Variants in ZUP1 observed in about 807,000 individuals in gnomAD.
ZUP1 encodes zinc finger containing ubiquitin peptidase 1, also known as zinc finger-containing ubiquitin peptidase 1.
A neutral mutation model predicts 68.1 loss-of-function variants in ZUP1; 55 were observed. The observed-to-expected ratio is 0.81, with a 90% CI of 0.65 to 1.01. The LOEUF is 1.01. Among genes scored for constraint, ZUP1 ranks in the 50% least tolerant of loss-of-function variants. The pLI is 0.00. For synonymous variants in ZUP1, 223 were observed against 221.5 expected (o/e 1.01, Z -0.06); for missense variants, 684 against 674.9 (o/e 1.01, Z -0.15).
intron 5 of ZUP1, among the ~76,000 whole-genome samples, chr6:116,654,740 A>G (rs1275430728): frequency 1.3e-5 from 2 of 152,086 alleles, no homozygotes; most frequent in African/African-American, 2.4e-5. Flanking sequence ...AAACAACTCA[A>G]TAGAGAATAG....
chr6:116,639,006 G>GCTTAGGAAA, intron 9 of ZUP1, among the ~76,000 whole-genome samples: 1 of 152,346 alleles, frequency 6.6e-6, no homozygotes, highest in South Asian at 2.1e-4. Context: ...TTTCCGACAG[G>GCTTAGGAAA]CTTAGGAAAC....
At chr6:116,664,438 A>C (rs931932996) in intron 2 of ZUP1, among the ~76,000 whole-genome samples, 17 of 152,186 alleles carry the variant, frequency 1.1e-4, no homozygotes, top group African/African-American at 3.1e-4. Flanking sequence ...CAAAAAAAAA[A>C]AAAACACACA....
At chr6:116,638,391 T>A (rs1775968566) in intron 9 of ZUP1, among the ~76,000 whole-genome samples, 1 of 152,158 alleles carries the variant, frequency 6.6e-6, no homozygotes, top group African/African-American at 2.4e-5. Context: ...CCTGATGGTG[T>A]AGTAGCTAGG....
chr6:116,651,939 C>A, intron 6 of ZUP1, 65 bp downstream of exon 6: 1 of 1,501,062 alleles, frequency 6.7e-7, no homozygotes, highest in South Asian at 1.2e-5. Context: ...ATTGTGTATG[C>A]TATATCATTC....
chr6:116,642,063 C>T (rs552173302), intron 9 of ZUP1, among the ~76,000 whole-genome samples: 71 of 152,160 alleles, frequency 4.7e-4, no homozygotes, highest in Non-Finnish European at 8.7e-4. Context: ...AACACCTCTA[C>T]GCAAATAAAC....
In ZUP1 at chr6:116,656,817, T is replaced by G. The variant is rs1383744192; in HGVS notation, c.828A>C (p.Lys276Asn). 6.2e-7 allele frequency: 1 copy of G among 1,608,312 alleles called. No homozygotes were observed. Among genetic ancestry groups the G allele is most frequent in the Admixed American group, 1.7e-5 (1 of 59,490 alleles). ...TCTCCATATTTCGTAGTTGTTGTTG[T>G]TTGTATCCTCCAGAATTATCTAAAC... is the stretch of plus-strand genomic sequence containing the variant. ...QYGLDNSGGY[K>N]QQQLRNMEIE... is the part of the protein sequence containing the mutation. The change falls in exon 5 of 10, where the codon AAA becomes AAC. Residue 276 changes from lysine (K) to asparagine (N), a missense_variant. Transcript: ENST00000368576.
chr6:116,642,115 A>G (rs1241050379), intron 9 of ZUP1, among the ~76,000 whole-genome samples: 10 of 151,854 alleles, frequency 6.6e-5, no homozygotes, highest in Admixed American at 1.3e-4. Context: ...CGAAACATAC[A>G]TTCTCCCAAG....
At chr6:116,644,341 A>G (rs958564942) in intron 9 of ZUP1, among the ~76,000 whole-genome samples, 6 of 152,190 alleles carry the variant, frequency 3.9e-5, no homozygotes, top group Non-Finnish European at 8.8e-5. Context: ...ATTACTGGGT[A>G]TATACCCAAA....
At chr6:116,665,779 C>T (rs903534452) in intron 2 of ZUP1, among the ~76,000 whole-genome samples, 3 of 139,054 alleles carry the variant, frequency 2.2e-5, no homozygotes, top group East Asian at 2.0e-4. Context: ...TTTGAAGAGA[C>T]GAGCTTTTGC....
chr6:116,664,002 A>T (rs996183507), intron 2 of ZUP1, among the ~76,000 whole-genome samples: 22 of 152,304 alleles, frequency 1.4e-4, no homozygotes, highest in African/African-American at 5.3e-4. Context: ...AGATACCTCA[A>T]CTATCTATAA....
intron 9 of ZUP1, among the ~76,000 whole-genome samples, chr6:116,640,673 G>A (rs1189558768): frequency 2.6e-5 from 4 of 152,050 alleles, no homozygotes; most frequent in African/African-American, 4.8e-5. Flanking sequence ...TGCCCTAAAA[G>A]AGATCCTGAA....
At chr6:116,662,433 A>G (rs1216895523) in intron 2 of ZUP1, among the ~76,000 whole-genome samples, 2 of 152,234 alleles carry the variant, frequency 1.3e-5, no homozygotes, top group African/African-American at 4.8e-5. Context: ...GTTAGCCATC[A>G]TCATCCAATG....
At chr6:116,668,425 G>A (rs1265142941) in intron 1 of ZUP1, 141 bp downstream of exon 1, 1 of 152,360 alleles carries the variant, frequency 6.6e-6, no homozygotes, top group Non-Finnish European at 1.5e-5. Flanking sequence ...GGTACGTGGT[G>A]GGTGAGGTCA....
chr6:116,667,057 A>G lies in ZUP1; in HGVS notation c.136T>C (p.Phe46Leu). 1 of 1,613,840 alleles carries G rather than the reference A, an allele frequency of 6.2e-7. No homozygotes were observed. ...LSGVNYDEMC[F>L]HIETAHFEQN... Reference sequence around the variant, plus strand: ...TCAAAATGAGCTGTTTCGATATGAAAACACATTTCATCATAATTCACACCT... The same window carrying G: ...TCAAAATGAGCTGTTTCGATATGAAGACACATTTCATCATAATTCACACCT... The change falls in exon 2 of 10, where the codon TTT becomes CTT. Residue 46 changes from phenylalanine to leucine, a missense_variant. Phe to Leu is a conservative substitution (Grantham distance 22). Transcript: ENST00000368576.
chr6:116,637,897 T>C (rs1311297225), intron 9 of ZUP1, among the ~76,000 whole-genome samples: 1 of 151,946 alleles, frequency 6.6e-6, no homozygotes, highest in Non-Finnish European at 1.5e-5. Flanking sequence ...ACCCCATCTC[T>C]ACTAAATATA....
At chr6:116,645,047 A>C (rs1776246252) in intron 9 of ZUP1, among the ~76,000 whole-genome samples, 2 of 152,066 alleles carry the variant, frequency 1.3e-5, no homozygotes, top group South Asian at 4.1e-4. Context: ...TATCATAATT[A>C]TTTGTACAAA....
chr6:116,640,517 G>C (rs1443755708), intron 9 of ZUP1, among the ~76,000 whole-genome samples: 14 of 152,086 alleles, frequency 9.2e-5, no homozygotes, highest in Non-Finnish European at 8.8e-5. Context: ...AGCCAGAAGA[G>C]AGTGGGGGCC....
chr6:116,645,945 ATTT>A lies in ZUP1; in HGVS notation c.1469-14_1469-12del. On this transcript the variant is annotated splice_polypyrimidine_tract_variant and intron_variant, in intron 8 of 9. Coordinates refer to ENST00000368576, the MANE Select transcript of ZUP1 (RefSeq NM_145062.3). ...CAGTTCGACTGTGACCTATCAAAAGATTTTTAAGTTATACATACGTCACATCTA... is the reference window on the plus strand; with the variant it reads ...CAGTTCGACTGTGACCTATCAAAAGATTAAGTTATACATACGTCACATCTA... 6.3e-7 allele frequency: 1 copy of A among 1,596,204 alleles called. No individual in the cohort carries two copies. The highest frequency in any genetic ancestry group is 8.6e-7 in the Non-Finnish European group (1 of 1,167,984).
chr6:116,638,032 C>T (rs1327201116), intron 9 of ZUP1, among the ~76,000 whole-genome samples: 9 of 146,310 alleles, frequency 6.2e-5, no homozygotes, highest in Non-Finnish European at 1.3e-4. Context: ...AGCCACTGCA[C>T]TCCAGCTTGG....
Sources: gnomAD v4.1 joint callset for allele counts (sites outside exome capture counted in the v4.1 genomes callset) on GRCh38, gnomAD v4.1.1 for gene constraint, MANE v1.5 for transcripts, NCBI Gene and HGNC (gene_info 2026-07-23, HGNC 2026-07-21) for gene names.